AMY2A: variants seen among roughly 807,000 people sequenced by gnomAD.
AMY2A encodes pancreatic alpha-amylase.
A neutral mutation model predicts 43.0 loss-of-function variants in AMY2A; 16 were observed. The ratio of observed to expected loss-of-function variants is 0.37; its 90% CI spans 0.25 to 0.56. The LOEUF (loss-of-function observed/expected upper bound fraction) is 0.56. Ranked by LOEUF, AMY2A falls within the 20% of genes least tolerant of loss-of-function variation. The pLI is 0.77. For missense variants in AMY2A, 212 were observed against 456.8 expected, an observed-to-expected ratio of 0.46 and a Z score of 4.89; for synonymous variants, 70 against 144.6, an observed-to-expected ratio of 0.48 and a Z score of 3.70.
Position 103,618,987 on chromosome 1 carries a change from G to T in AMY2A, c.392G>T (p.Gly131Val). The change falls in exon 3 of 10, where the codon GGA becomes GTA. Residue 131 changes from glycine (G) to valine (V), a missense_variant. Transcript: ENST00000414303. ...AGTGCAGGAACAAGCAGTACCTGTG[G>T]AAGTTACTTCAACCCTGGAAGTAGG... ...AVSAGTSSTCGSYFNPGSRDF... is the reference protein window; with the variant it reads ...AVSAGTSSTCVSYFNPGSRDF... 3 of 1,397,854 alleles carry T rather than the reference G, an allele frequency of 2.1e-6. No individual in the cohort carries two copies. Among genetic ancestry groups the T allele is most frequent in the Non-Finnish European group, 2.9e-6 (3 of 1,034,560 alleles). The allele number at this position is 1,397,854 out of a possible 1,614,324, so 86.6% of individuals were successfully genotyped here. A position where few individuals can be genotyped will look rare whatever the true frequency, so the allele number is the denominator to read the frequency against.
At chr1:103,618,417 T>G (rs898291270) in intron 2 of AMY2A, among the ~76,000 whole-genome samples, 1 of 150,668 alleles carries the variant, frequency 6.6e-6, no homozygotes, top group African/African-American at 2.4e-5. Context: ...AGTTACAATG[T>G]TTGCTATCAT....
At position 103,618,060 on chromosome 1, in the gene AMY2A, A is replaced by G; in HGVS notation, c.275A>G (p.Asp92Gly). Residue 92 changes from aspartate (D) to glycine (G), a missense_variant, in exon 2 of 10, where the codon GAT (aspartate) becomes GGT (glycine). Physicochemically the swap from Asp to Gly is moderately conservative, Grantham distance 94. Coordinates refer to ENST00000414303, the MANE Select transcript of AMY2A (RefSeq NM_000699.4). ...TTATGCACAAGATCTGGAAATGAAG[A>G]TGAATTTAGAAACATGGTGACTAGA... is the stretch of plus-strand genomic sequence containing the variant. ...YKLCTRSGNE[D>G]EFRNMVTRCN... 1 of 1,600,606 alleles carries G rather than the reference A, an allele frequency of 6.2e-7. No individual in the cohort carries two copies. The highest frequency in any genetic ancestry group is 1.1e-5 in the South Asian group (1 of 90,862).
rs150128174 is a variant in AMY2A at position 103,617,587 on chromosome 1, G to A, written c.147G>A (p.Pro49=). The A allele has an allele frequency of 7.5e-6, 12 of 1,600,878 alleles. 3 individuals carry two copies. Among genetic ancestry groups the A allele is most frequent in the Middle Eastern group, 4.5e-4 (2 of 4,424 alleles). The change falls in exon 1 of 10, where the codon CCG becomes CCA. Residue 49 remains proline, a synonymous_variant. Transcript: ENST00000414303. Reference sequence around the variant, plus strand: ...TTGAATGTGAGCGATATTTAGCTCCGAAGGGATTTGGAGGGGTTCAGGTGG... The same window carrying A: ...TTGAATGTGAGCGATATTTAGCTCCAAAGGGATTTGGAGGGGTTCAGGTGG... ...IALECERYLA[P]KGFGGVQVSP...
chr1:103,616,961 A>G, upstream of AMY2A: 1 of 1,034,196 alleles, frequency 9.7e-7, no homozygotes, highest in Non-Finnish European at 1.2e-6. Context: ...TGGAAAGTCC[A>G]AGCCATAGGA....
chr1:103,623,658 T>C (rs1025939745), intron 7 of AMY2A, among the ~76,000 whole-genome samples: 2 of 120,856 alleles, frequency 1.7e-5, no homozygotes, highest in African/African-American at 7.0e-5. Context: ...TTTGTTACCT[T>C]GTTTGAAATA....
At chr1:103,618,664 T>A (rs1322138363) in intron 2 of AMY2A, among the ~76,000 whole-genome samples, 2 of 150,672 alleles carry the variant, frequency 1.3e-5, no homozygotes, top group African/African-American at 2.4e-5. Flanking sequence ...TTCCTCCTAT[T>A]TATGGTAGTT....
rs1653120772 is a variant in AMY2A, at chr1:103,617,807, GC to G, written c.169-144del. 31 of 1,522,926 alleles carry G rather than the reference GC, an allele frequency of 2.0e-5. No individual in the cohort carries two copies. In the East Asian group the frequency reaches 6.5e-4, roughly 32 times the overall value. The allele number at this position is 1,522,926 out of a possible 1,614,324, so 94.3% of individuals were successfully genotyped here. ...CTGAGATAATCTTTCTTCACCAAGA[GC>G]CCTCCAATGTGCTGTTAATATTTTC... On this transcript the variant is annotated intron_variant, in intron 1 of 9. Coordinates refer to ENST00000414303, the MANE Select transcript of AMY2A (RefSeq NM_000699.4).
rs754749779 is a variant in AMY2A, at chr1:103,617,992, T to A, written c.207T>A (p.Pro69=). Residue 69 remains proline (P), a synonymous_variant, in exon 2 of 10, where the codon CCT becomes CCA. Transcript: ENST00000414303. The stretch of plus-strand genomic sequence containing the variant: ...ATGAAAATGTTGCAATTTACAACCC[T>A]TTCAGACCTTGGTGGGAAAGATACC... ...PPNENVAIYN[P]FRPWWERYQP... is the part of the protein sequence containing the mutation. The A allele has an allele frequency of 6.2e-7, 1 of 1,600,654 alleles. No homozygotes were observed. The highest frequency in any genetic ancestry group is 8.5e-7 in the Non-Finnish European group (1 of 1,170,714).
chr1:103,618,578 A>T (rs1653145628), intron 2 of AMY2A, among the ~76,000 whole-genome samples: 1 of 150,620 alleles, frequency 6.6e-6, no homozygotes. Context: ...TCTCCTGGTG[A>T]CCCACTGAAA....
intron 4 of AMY2A, among the ~76,000 whole-genome samples, chr1:103,620,043 C>T (rs1018280900): frequency 6.7e-6 from 1 of 150,046 alleles, no homozygotes; most frequent in African/African-American, 2.4e-5. Flanking sequence ...TAATATTTAT[C>T]AAGGAATTTC....
At position 103,619,043 on chromosome 1, in the gene AMY2A, G is replaced by T; in HGVS notation, c.448G>T (p.Asp150Tyr). 7.7e-7 allele frequency: 1 copy of T among 1,294,238 alleles called. No homozygotes were observed. Among genetic ancestry groups the T allele is most frequent in the Non-Finnish European group, 1.0e-6 (1 of 958,518 alleles). 80.2% of individuals were successfully genotyped at this position (1,294,238 alleles called of 1,614,324 possible). Residue 150 changes from aspartate to tyrosine, a missense_variant, in exon 3 of 10, where the codon GAT becomes TAT. Coordinates refer to ENST00000414303, the MANE Select transcript of AMY2A (RefSeq NM_000699.4). ...DFPAVPYSGW[D>Y]FNDGKCKTGS... ...TCCAGCAGTCCCATATTCTGGATGG[G>T]ATTTCAATGATGGTAAATGTAAAAC...
At chr1:103,619,943 T>G in intron 4 of AMY2A, 159 bp downstream of exon 4, 1 of 1,399,104 alleles carries the variant, frequency 7.1e-7, no homozygotes, top group South Asian at 1.4e-5. Flanking sequence ...CATATCTAAT[T>G]CTTTATCACA....
chr1:103,618,660 C>CTATT (rs992406453), intron 2 of AMY2A, among the ~76,000 whole-genome samples: 1 of 150,592 alleles, frequency 6.6e-6, no homozygotes, highest in Admixed American at 6.6e-5. Flanking sequence ...GCATTTCCTC[C>CTATT]TATTTATGGT....
rs1257644393 is a variant in AMY2A at position 103,624,939 on chromosome 1, T to C, written c.1347-618T>C. 3.0e-5 allele frequency among the ~76,000 whole-genome samples: 4 copies of C among 131,194 alleles called. No individual in the cohort carries two copies. The East Asian group carries it at 7.7e-4, about 25-fold the overall frequency. 86.1% of individuals were successfully genotyped at this position (131,194 alleles called of 152,430 possible). A position where few individuals can be genotyped will look rare whatever the true frequency, so the allele number is the denominator to read the frequency against. On this transcript the variant is annotated intron_variant, in intron 9 of 9. Transcript: ENST00000414303. ...CAACTGACACTCATACTTAGCTCAC[T>C]CTAGTATAAATTATATTTCACTGAT...
intron 9 of AMY2A, among the ~76,000 whole-genome samples, chr1:103,624,981 C>T (rs1473380309): frequency 2.3e-5 from 3 of 130,798 alleles, no homozygotes; most frequent in Non-Finnish European, 5.0e-5. Context: ...TAAATAAATA[C>T]ATCAATATAC....
At position 103,617,586 on chromosome 1, in the gene AMY2A, C is replaced by T. The variant is rs373467866; in HGVS notation, c.146C>T (p.Pro49Leu). 59 of 1,600,652 alleles carry T rather than the reference C, an allele frequency of 3.7e-5. 2 individuals are homozygous for T. The highest frequency in any genetic ancestry group is 8.9e-5 in the East Asian group (4 of 44,852). Residue 49 changes from proline to leucine, a missense_variant, in exon 1 of 10, where the codon CCG (proline) becomes CTG (leucine). Pro to Leu is a moderately conservative substitution (Grantham distance 98). Transcript: ENST00000414303. ...CTTGAATGTGAGCGATATTTAGCTC[C>T]GAAGGGATTTGGAGGGGTTCAGGTG... is the stretch of plus-strand genomic sequence containing the variant. Reference protein sequence around the residue: ...IALECERYLAPKGFGGVQVSP... With the variant: ...IALECERYLALKGFGGVQVSP...
rs753697367 is a variant in AMY2A, at chr1:103,617,991, C to T, written c.206C>T (p.Pro69Leu). 1 of 1,600,430 alleles carries T rather than the reference C, an allele frequency of 6.2e-7. No homozygotes were observed. The highest frequency in any genetic ancestry group is 8.5e-7 in the Non-Finnish European group (1 of 1,170,710). The change falls in exon 2 of 10, where the codon CCT becomes CTT. Residue 69 changes from proline (P) to leucine (L), a missense_variant. Pro to Leu is a moderately conservative substitution (Grantham distance 98). This residue lies in a region of AMY2A where 199 missense variants were observed against 210.6 expected (regional missense o/e 0.94). Transcript: ENST00000414303. ...PPNENVAIYN[P>L]FRPWWERYQP... ...AATGAAAATGTTGCAATTTACAACC[C>T]TTTCAGACCTTGGTGGGAAAGATAC...
At position 103,618,004 on chromosome 1, in the gene AMY2A, G is replaced by A. The variant is rs1653126635; in HGVS notation, c.219G>A (p.Trp73Ter). ...NVAIYNPFRP[W>*]WERYQPVSYK... ...CAATTTACAACCCTTTCAGACCTTG[G>A]TGGGAAAGATACCAACCAGTTAGCT... The change falls in exon 2 of 10, where the codon TGG (tryptophan) becomes TGA (stop). Residue 73 changes from tryptophan to a stop codon, truncating the protein, a stop_gained. Coordinates refer to ENST00000414303, the MANE Select transcript of AMY2A (RefSeq NM_000699.4). LOFTEE classifies it high-confidence loss of function. The A allele has an allele frequency of 1.9e-6, 3 of 1,600,532 alleles. No homozygotes were observed. Among genetic ancestry groups the A allele is most frequent in the Non-Finnish European group, 2.6e-6 (3 of 1,170,680 alleles).
At chr1:103,619,901 G>T (rs1653194440) in intron 4 of AMY2A, 117 bp downstream of exon 4, 2 of 1,487,246 alleles carry the variant, frequency 1.3e-6, no homozygotes, top group Non-Finnish European at 9.2e-7. Context: ...ACATAAAACA[G>T]TGTTCTTTAA....
Sources: gnomAD v4.1 joint callset for allele counts (sites outside exome capture counted in the v4.1 genomes callset) on GRCh38, gnomAD v4.1.1 for gene constraint, gnomAD v4.1.1 regional missense constraint, MANE v1.5 for transcripts, NCBI Gene and HGNC (gene_info 2026-07-23, HGNC 2026-07-21) for gene names.